The following CKAP5 variants were observed in gnomAD, a reference collection of about 807,000 sequenced individuals.
The protein encoded by CKAP5 is cytoskeleton associated protein 5, also known as cytoskeleton-associated protein 5.
CKAP5 carries 27 observed loss-of-function variants against 232.8 expected under a neutral mutation model. The ratio of observed to expected loss-of-function variants is 0.12; its 90% CI spans 0.09 to 0.16. The LOEUF (loss-of-function observed/expected upper bound fraction) is 0.16, where lower values mean the gene tolerates loss of function less well. CKAP5 is among the 10% of genes least tolerant of loss of function. CKAP5 has a pLI of 1.00. For synonymous variants in CKAP5, 785 were observed against 841.1 expected, an observed-to-expected ratio of 0.93 and a Z score of 1.16; for missense variants, 1,838 against 2,424.7, an observed-to-expected ratio of 0.76 and a Z score of 5.08.
Position 46,821,166 on chromosome 11 carries a change from G to C in CKAP5, c.57+9C>G, listed in dbSNP as rs554689429. 18 of 1,604,834 alleles carry C rather than the reference G, an allele frequency of 1.1e-5. No homozygotes were observed. The highest frequency in any genetic ancestry group is 8.4e-5 in the Admixed American group (5 of 59,878). On this transcript the variant is annotated intron_variant, in intron 2 of 43. Coordinates refer to ENST00000529230, the MANE Select transcript of CKAP5 (RefSeq NM_001008938.4). ...CGACACTGAAAATCGAATTCCAGAA[G>C]AATCTTACCTTGTGTTCACATTTCT...
At chr11:46,830,275 A>C (rs1939755620) in intron 1 of CKAP5, among the ~76,000 whole-genome samples, 1 of 151,884 alleles carries the variant, frequency 6.6e-6, no homozygotes, top group African/African-American at 2.4e-5. Flanking sequence ...CCCCGTCTCT[A>C]CTAAAAATAC....
intron 17 of CKAP5, among the ~76,000 whole-genome samples, 162 bp downstream of exon 17, chr11:46,784,326 G>A (rs903498659): frequency 1.3e-5 from 2 of 152,070 alleles, no homozygotes; most frequent in African/African-American, 4.8e-5. Flanking sequence ...TTGCACCATT[G>A]CATTCCAGCC....
At chr11:46,752,590 G>A (rs2065077977) in intron 38 of CKAP5, 45 bp downstream of exon 38, 1 of 1,460,726 alleles carries the variant, frequency 6.8e-7, no homozygotes, top group East Asian at 2.3e-5. Context: ...TTAACAAAGT[G>A]ATTGCATCTT....
Position 46,770,091 on chromosome 11 carries a change from G to C in CKAP5, c.3194C>G (p.Ser1065Cys), listed in dbSNP as rs1223776872. 3 of 1,613,908 alleles carry C rather than the reference G, an allele frequency of 1.9e-6. No homozygotes were observed. In the East Asian group the frequency reaches 6.7e-5, roughly 36 times the overall value. ...TAGCATGGCCAATACCTGATCTTTA[G>C]AAGTTGGCTAGAGAGACAAAATGAC... The part of the protein sequence containing the change: ...AKATGKLKPT[S>C]KDQVLAMLEK... The change falls in exon 26 of 44, where the codon TCT (serine) becomes TGT (cysteine). Residue 1065 changes from serine (S) to cysteine (C), a missense_variant. Physicochemically the swap from Ser to Cys is moderately radical, Grantham distance 112. Coordinates refer to ENST00000529230, the MANE Select transcript of CKAP5 (RefSeq NM_001008938.4).
At chr11:46,745,340 T>C (rs61884327) in intron 42 of CKAP5, among the ~76,000 whole-genome samples, 13,216 of 152,148 alleles carry the variant, frequency 0.087, 580 homozygotes, top group East Asian at 0.1. Flanking sequence ...TCCTTTAATG[T>C]AAAGATGAGG....
intron 42 of CKAP5, among the ~76,000 whole-genome samples, chr11:46,745,849 G>GGCCAAGACAT (rs1466634523): frequency 1.3e-5 from 2 of 152,052 alleles, no homozygotes; most frequent in African/African-American, 4.8e-5. Context: ...CTACTCGGGA[G>GGCCAAGACAT]GCCAAGACAT....
intron 13 of CKAP5, 83 bp downstream of exon 13, chr11:46,795,511 A>G (rs1414820467): frequency 8.6e-7 from 1 of 1,157,490 alleles, no homozygotes; most frequent in African/African-American, 1.5e-5. Flanking sequence ...CATTTCTCAA[A>G]CAAAATAATT....
intron 26 of CKAP5, among the ~76,000 whole-genome samples, chr11:46,769,757 C>T (rs1268658978): frequency 2.6e-5 from 4 of 151,840 alleles, no homozygotes; most frequent in Non-Finnish European, 4.4e-5. Context: ...AAATTAGTCA[C>T]GTTTGTACCC....
intron 18 of CKAP5, 99 bp from the exon 19 acceptor site, chr11:46,780,584 A>C: frequency 1.1e-6 from 1 of 909,836 alleles, no homozygotes; most frequent in Non-Finnish European, 1.7e-6. Flanking sequence ...TCCCTTTGGC[A>C]AAGTTCTCAC....
At chr11:46,814,739 A>C (rs2134680355) in intron 4 of CKAP5, among the ~76,000 whole-genome samples, 1 of 152,358 alleles carries the variant, frequency 6.6e-6, no homozygotes, top group South Asian at 2.1e-4. Context: ...TGGCCAAACA[A>C]GAAAGTCTAG....
chr11:46,839,514 G>T (rs936265033), intron 1 of CKAP5, among the ~76,000 whole-genome samples: 2 of 152,064 alleles, frequency 1.3e-5, no homozygotes, highest in African/African-American at 4.8e-5. Flanking sequence ...GCTACCCACC[G>T]CCACCACTGT....
At chr11:46,799,158 C>G (rs1402365188) in intron 9 of CKAP5, among the ~76,000 whole-genome samples, 1 of 151,932 alleles carries the variant, frequency 6.6e-6, no homozygotes, top group Non-Finnish European at 1.5e-5. Context: ...GTCACCACAC[C>G]TGCTATTTTT....
rs1360095115 is a variant in CKAP5 at position 46,759,346 on chromosome 11, T to C, written c.4491A>G (p.Thr1497=). 5 of 1,614,170 alleles carry C rather than the reference T, an allele frequency of 3.1e-6. 1 individual carries two copies. Among genetic ancestry groups the C allele is most frequent in the Non-Finnish European group, 4.2e-6 (5 of 1,180,024 alleles). The stretch of plus-strand genomic sequence containing the variant: ...CAAGTTCTGGCATTTCACATCGGAC[T>C]GTACCATTGTCATTCTCAATCTCAT... The part of the protein sequence containing the change: ...DLDEIENDNG[T]VRCEMPELVQ... Residue 1497 remains threonine, a synonymous_variant, in exon 34 of 44, where the codon ACA becomes ACG. Transcript: ENST00000529230.
At chr11:46,754,761 T>C (rs1565717979) in intron 36 of CKAP5, 127 bp downstream of exon 36, 3 of 733,632 alleles carry the variant, frequency 4.1e-6, no homozygotes, top group Admixed American at 5.1e-5. Context: ...GCTTGCTATA[T>C]ACAATGCATG....
chr11:46,768,365 A>G (rs1592444412), intron 26 of CKAP5, among the ~76,000 whole-genome samples: 1 of 143,324 alleles, frequency 7.0e-6, no homozygotes, highest in Non-Finnish European at 1.5e-5. Flanking sequence ...TAATTAAAAC[A>G]ACTTTTTTTT....
rs1271493267 is a variant in CKAP5, at chr11:46,809,987, T to C, written c.631-113A>G. The C allele has an allele frequency of 4.8e-6, 5 of 1,046,536 alleles. No homozygotes were observed. The African/African-American group carries it at 4.9e-5, about 10-fold the overall frequency. The allele number at this position is 1,046,536 out of a possible 1,614,324, so 64.8% of individuals were successfully genotyped here. On this transcript the variant is annotated intron_variant, in intron 5 of 43. Coordinates refer to ENST00000529230, the MANE Select transcript of CKAP5 (RefSeq NM_001008938.4). ...ACCCAATTTCTTTCTTTTTTTTTTA[T>C]TGGAGACAGAGTCTTACTCTGTCAC... is the stretch of plus-strand genomic sequence containing the variant.
chr11:46,808,042 C>T lies in CKAP5; in HGVS notation c.967G>A (p.Ala323Thr). Residue 323 changes from alanine (A) to threonine (T), a missense_variant, in exon 8 of 44, where the codon GCA (alanine) becomes ACA (threonine). Coordinates refer to ENST00000529230, the MANE Select transcript of CKAP5 (RefSeq NM_001008938.4). ...GTCCTCATATTTACCTTCTTTAATG[C>T]TTTTACTAAATCTGCATAATCGCCA... ...EAGDYADLVK[A>T]LKKVVGKDTN... 6.2e-7 allele frequency: 1 copy of T among 1,612,944 alleles called. No individual in the cohort carries two copies. Among genetic ancestry groups the T allele is most frequent in the Admixed American group, 1.7e-5 (1 of 60,002 alleles).
intron 4 of CKAP5, among the ~76,000 whole-genome samples, chr11:46,813,846 G>T (rs1410274418): frequency 6.6e-6 from 1 of 151,982 alleles, no homozygotes; most frequent in East Asian, 1.9e-4. Context: ...AAAGGTAGAA[G>T]ATTATAGGCC....
At chr11:46,841,223 C>G (rs1395705821) in intron 1 of CKAP5, among the ~76,000 whole-genome samples, 1 of 151,206 alleles carries the variant, frequency 6.6e-6, no homozygotes, top group Non-Finnish European at 1.5e-5. Context: ...TCAGCCAAGA[C>G]TGCGCCACCG....
Sources: gnomAD v4.1 joint callset for allele counts (sites outside exome capture counted in the v4.1 genomes callset) on GRCh38, gnomAD v4.1.1 for gene constraint, MANE v1.5 for transcripts, NCBI Gene and HGNC (gene_info 2026-07-23, HGNC 2026-07-21) for gene names.